Variants in RBFOX1 observed in about 807,000 individuals in gnomAD.
RBFOX1 encodes RNA binding protein fox-1 homolog 1.
Under a neutral mutation model 57.7 loss-of-function variants are expected in RBFOX1, and 8 were observed. The observed-to-expected ratio is 0.14, with a 90% confidence interval of 0.08 to 0.25. The LOEUF (loss-of-function observed/expected upper bound fraction) is 0.25, where lower values mean the gene tolerates loss of function less well. Among genes scored for constraint, RBFOX1 ranks in the 10% least tolerant of loss-of-function variants. The probability of loss-of-function intolerance (pLI) is 1.00; values close to 1 mark genes in which losing one functional copy is unlikely to be tolerated. For synonymous variants in RBFOX1, 326 were observed against 222.4 expected, an observed-to-expected ratio of 1.47 and a Z score of -4.15; for missense variants, 611 against 548.5, an observed-to-expected ratio of 1.11 and a Z score of -1.14.
intron 1 of RBFOX1, among the ~76,000 whole-genome samples, chr16:6,127,328 T>G (rs1359722656): frequency 6.6e-6 from 1 of 152,182 alleles, no homozygotes; most frequent in African/African-American, 2.4e-5. Context: ...TTCTCCTGTT[T>G]CACCTTATTC....
At chr16:5,788,395 G>C (rs1342968630) in intron 3 of RBFOX1, among the ~76,000 whole-genome samples, 1 of 152,142 alleles carries the variant, frequency 6.6e-6, no homozygotes, top group Non-Finnish European at 1.5e-5. Context: ...TCGGGAGGTC[G>C]AGCTGGGGGG....
At chr16:6,582,185 G>GGA (rs2097545689) in intron 2 of RBFOX1, among the ~76,000 whole-genome samples, 1 of 152,172 alleles carries the variant, frequency 6.6e-6, no homozygotes, top group African/African-American at 2.4e-5. Context: ...TTTTGTGATA[G>GGA]TAAAAATTTC....
intron 3 of RBFOX1, among the ~76,000 whole-genome samples, chr16:5,704,972 C>G (rs2051189028): frequency 6.6e-6 from 1 of 152,260 alleles, no homozygotes; most frequent in Middle Eastern, 3.4e-3. Flanking sequence ...TGCTCATCTC[C>G]AAGGGCACAT....
chr16:6,621,473 AAACAAC>A (rs75290104), intron 2 of RBFOX1, among the ~76,000 whole-genome samples: 39 of 151,558 alleles, frequency 2.6e-4, no homozygotes, highest in African/African-American at 7.7e-4. Flanking sequence ...CAAAACAAAC[AAACAAC>A]AACAACAACA....
intron 1 of RBFOX1, among the ~76,000 whole-genome samples, chr16:6,215,505 TA>T (rs1221814824): frequency 1.3e-5 from 2 of 151,970 alleles, no homozygotes; most frequent in African/African-American, 4.8e-5. Context: ...TGCATGCCCA[TA>T]TTTTTTTCTG....
chr16:6,686,124 A>T (rs2059405578), intron 3 of RBFOX1, among the ~76,000 whole-genome samples: 1 of 152,174 alleles, frequency 6.6e-6, no homozygotes, highest in Non-Finnish European at 1.5e-5. Context: ...AGCAGTGGGG[A>T]CTATCATTTC....
intron 4 of RBFOX1, among the ~76,000 whole-genome samples, chr16:5,924,411 T>C (rs758278618): frequency 1.3e-5 from 2 of 152,186 alleles, no homozygotes; most frequent in Non-Finnish European, 2.9e-5. Context: ...CCCTCATGAA[T>C]AGATTAATGT....
At chr16:7,192,250 G>T (rs78278822) in intron 4 of RBFOX1, among the ~76,000 whole-genome samples, 5,628 of 152,308 alleles carry the variant, frequency 0.037, 147 homozygotes, top group South Asian at 0.091. Context: ...TTGGTAGCCT[G>T]TTGATGTTTT....
intron 3 of RBFOX1, among the ~76,000 whole-genome samples, chr16:6,676,771 G>T (rs994140844): frequency 6.7e-6 from 1 of 148,784 alleles, no homozygotes; most frequent in South Asian, 2.1e-4. Flanking sequence ...TGCCTCCCAG[G>T]TTGAAGCATT....
chr16:5,585,548 C>T (rs1197159977), intron 2 of RBFOX1, among the ~76,000 whole-genome samples: 1 of 152,198 alleles, frequency 6.6e-6, no homozygotes, highest in African/African-American at 2.4e-5. Flanking sequence ...TCTTGATTGA[C>T]TTACCTCTGT....
intron 3 of RBFOX1, 72 bp downstream of exon 3, chr16:6,654,722 A>C: frequency 2.6e-6 from 3 of 1,164,340 alleles, no homozygotes; most frequent in Non-Finnish European, 3.5e-6. Context: ...CAGGTGTTTA[A>C]GGCATGCCCC....
rs1054984637 is a variant in RBFOX1 at position 5,738,658 on chromosome 16, G to A, written c.319-128645G>A. Among the ~76,000 whole-genome samples, 817 of 117,776 alleles carry A rather than the reference G, an allele frequency of 6.9e-3. 27 individuals carry two copies. The highest frequency in any genetic ancestry group is 0.059 in the Admixed American group (663 of 11,158). 77.3% of individuals were successfully genotyped at this position (117,776 alleles called of 152,430 possible). The stretch of plus-strand genomic sequence containing the variant: ...CAGAAAAAAAAAAAAAAAAAAAAGG[G>A]AAATCTAAAGGAAGTATAAAGCACA... On this transcript the variant is annotated intron_variant, in intron 3 of 19. Transcript: ENST00000641259.
chr16:6,700,341 A>G (rs977064980), intron 3 of RBFOX1, among the ~76,000 whole-genome samples: 2 of 140,206 alleles, frequency 1.4e-5, no homozygotes, highest in Non-Finnish European at 3.1e-5. Flanking sequence ...CATCAGCACC[A>G]TAGGCAAGGT....
intron 1 of RBFOX1, among the ~76,000 whole-genome samples, chr16:5,408,157 C>T (rs921066762): frequency 6.6e-6 from 1 of 152,154 alleles, no homozygotes; most frequent in African/African-American, 2.4e-5. Context: ...TTTTCAGCTG[C>T]TCGTGGTGTT....
intron 2 of RBFOX1, among the ~76,000 whole-genome samples, chr16:6,447,811 A>C (rs954743112): frequency 6.6e-6 from 1 of 152,186 alleles, no homozygotes; most frequent in African/African-American, 2.4e-5. Flanking sequence ...ATTCCCAAAG[A>C]AGAGAACATC....
chr16:7,701,415 G>A lies in RBFOX1; in HGVS notation c.996-7641G>A, dbSNP rs1598445315. On this transcript the variant is annotated intron_variant, in intron 14 of 15. Transcript: ENST00000550418. ...GTGGCAGCATTAGATTCTCATGGGA[G>A]CACCAACCCTACTGTAAACTGTGCA... is the stretch of plus-strand genomic sequence containing the variant. Among the ~76,000 whole-genome samples the A allele has an allele frequency of 2.0e-5, 3 of 152,134 alleles. No individual in the cohort carries two copies. The East Asian group carries it at 5.8e-4, about 29-fold the overall frequency.
chr16:5,984,976 A>ATATATATTTT (rs1359064334), intron 4 of RBFOX1, among the ~76,000 whole-genome samples: 5 of 55,714 alleles, frequency 9.0e-5, no homozygotes, highest in African/African-American at 3.5e-4. Flanking sequence ...ATATATATAT[A>ATATATATTTT]TTTTTTTTTT....
chr16:5,241,702 G>T (rs1415564805), intron 1 of RBFOX1, among the ~76,000 whole-genome samples: 2 of 152,232 alleles, frequency 1.3e-5, no homozygotes, highest in South Asian at 2.1e-4. Context: ...AGCACTTAGC[G>T]TTGTGCCTGG....
chr16:6,406,001 C>G (rs563167647), intron 2 of RBFOX1, among the ~76,000 whole-genome samples: 6 of 152,146 alleles, frequency 3.9e-5, no homozygotes, highest in Non-Finnish European at 5.9e-5. Flanking sequence ...AAGGTGAGAA[C>G]GCAGAGGAAT....
Sources: gnomAD v4.1 joint callset for allele counts (sites outside exome capture counted in the v4.1 genomes callset) on GRCh38, gnomAD v4.1.1 for gene constraint, MANE v1.5 for transcripts, NCBI Gene and HGNC (gene_info 2026-07-23, HGNC 2026-07-21) for gene names.